Variants in GFRA1 observed in about 807,000 individuals in gnomAD.
GFRA1 encodes the protein GDNF family receptor alpha-1.
A neutral mutation model predicts 51.6 loss-of-function variants in GFRA1; 16 were observed. The observed-to-expected ratio is 0.31, with a 90% CI of 0.21 to 0.47. GFRA1 has a LOEUF of 0.47. Ranked by LOEUF, GFRA1 falls within the 20% of genes least tolerant of loss-of-function variation. The pLI is 1.00. For synonymous variants in GFRA1, 270 were observed against 241.3 expected, an observed-to-expected ratio of 1.12 and a Z score of -1.10; for missense variants, 530 against 594.3, an observed-to-expected ratio of 0.89 and a Z score of 1.13.
At chr10:116,219,300 C>T (rs1032089380) in intron 4 of GFRA1, among the ~76,000 whole-genome samples, 3 of 152,072 alleles carry the variant, frequency 2.0e-5, no homozygotes, top group Non-Finnish European at 4.4e-5. Flanking sequence ...AAGTTATGTC[C>T]GAGTCTGCTA....
At chr10:116,153,010 C>T (rs964751248) in intron 5 of GFRA1, among the ~76,000 whole-genome samples, 33 of 152,294 alleles carry the variant, frequency 2.2e-4, no homozygotes, top group African/African-American at 7.0e-4. Flanking sequence ...GTTAGAGCAA[C>T]GAACCATCCA....
At chr10:116,142,282 T>G (rs1223645368) in intron 5 of GFRA1, among the ~76,000 whole-genome samples, 1 of 152,204 alleles carries the variant, frequency 6.6e-6, no homozygotes, top group Non-Finnish European at 1.5e-5. Flanking sequence ...CTGCAGTCCT[T>G]GAAAGCCACT....
intron 9 of GFRA1, among the ~76,000 whole-genome samples, chr10:116,074,608 TC>T: frequency 6.6e-6 from 1 of 152,262 alleles, no homozygotes; most frequent in East Asian, 1.9e-4. Context: ...CTCTCTGAGG[TC>T]CCTGCAGCAA....
chr10:116,102,900 C>T (rs371914301), intron 6 of GFRA1, among the ~76,000 whole-genome samples: 1 of 152,132 alleles, frequency 6.6e-6, no homozygotes, highest in Non-Finnish European at 1.5e-5. Context: ...TTGTATAAGT[C>T]GCTGGAGTGT....
At chr10:116,205,332 CTTTAGGAGGCCAAGGTGGGT>C (rs898208822) in intron 5 of GFRA1, among the ~76,000 whole-genome samples, 1 of 152,072 alleles carries the variant, frequency 6.6e-6, no homozygotes, top group Non-Finnish European at 1.5e-5. Flanking sequence ...AATCCCAACA[CTTTAGGAGGCCAAGGTGGGT>C]GGATCACGAG....
At chr10:116,067,061 G>T (rs1955147287) in intron 9 of GFRA1, among the ~76,000 whole-genome samples, 1 of 152,168 alleles carries the variant, frequency 6.6e-6, no homozygotes, top group African/African-American at 2.4e-5. Context: ...CTTTAAACAA[G>T]CATCAAGAAT....
intron 5 of GFRA1, among the ~76,000 whole-genome samples, chr10:116,200,755 C>T (rs930826218): frequency 6.6e-6 from 1 of 152,182 alleles, no homozygotes; most frequent in African/African-American, 2.4e-5. Flanking sequence ...TTCATGAGAG[C>T]TCTACCCTAT....
At chr10:116,262,288 C>T (rs1969353173) in intron 4 of GFRA1, among the ~76,000 whole-genome samples, 1 of 152,156 alleles carries the variant, frequency 6.6e-6, no homozygotes, top group Non-Finnish European at 1.5e-5. Context: ...ACTGTCTGTA[C>T]CTTCACAGCC....
At chr10:116,218,170 G>C (rs1239140378) in intron 4 of GFRA1, among the ~76,000 whole-genome samples, 1 of 152,242 alleles carries the variant, frequency 6.6e-6, no homozygotes, top group Non-Finnish European at 1.5e-5. Context: ...GAAACCCAAG[G>C]CCTGACCTTT....
chr10:116,172,561 A>C (rs1403542517), intron 5 of GFRA1, among the ~76,000 whole-genome samples: 1 of 152,190 alleles, frequency 6.6e-6, no homozygotes, highest in African/African-American at 2.4e-5. Flanking sequence ...TCTTGAAGGA[A>C]GAATGGGTTG....
intron 5 of GFRA1, among the ~76,000 whole-genome samples, chr10:116,210,347 T>C (rs1965094423): frequency 6.6e-6 from 1 of 152,010 alleles, no homozygotes; most frequent in South Asian, 2.1e-4. Flanking sequence ...CAGTGTGGGG[T>C]TGCTTACATT....
chr10:116,257,583 A>T (rs1413486933), intron 4 of GFRA1, among the ~76,000 whole-genome samples: 1 of 152,094 alleles, frequency 6.6e-6, no homozygotes, highest in Admixed American at 6.5e-5. Context: ...GCCTTCTATG[A>T]TGAGAGGTTA....
At chr10:116,136,709 T>G (rs551672157) in intron 5 of GFRA1, among the ~76,000 whole-genome samples, 1 of 152,228 alleles carries the variant, frequency 6.6e-6, no homozygotes, top group Non-Finnish European at 1.5e-5. Flanking sequence ...AGGCTGCCAG[T>G]GCTTGGGACA....
chr10:116,091,314 A>AAAG (rs1388064868), intron 8 of GFRA1, among the ~76,000 whole-genome samples: 2 of 152,224 alleles, frequency 1.3e-5, no homozygotes, highest in African/African-American at 4.8e-5. Flanking sequence ...ACAAAAGATA[A>AAAG]AAGTCCATGC....
intron 5 of GFRA1, among the ~76,000 whole-genome samples, chr10:116,150,225 T>C (rs1959006606): frequency 1.3e-5 from 2 of 152,144 alleles, no homozygotes; most frequent in South Asian, 2.1e-4. Flanking sequence ...CTCCAAGCCA[T>C]CCCAATAGTG....
chr10:116,226,912 A>G, intron 4 of GFRA1: 1 of 171,058 alleles, frequency 5.8e-6, no homozygotes, highest in Non-Finnish European at 1.3e-5. Context: ...CTCCTATGAG[A>G]ATCTAATGCT....
At chr10:116,274,233 A>G (rs1336753615), upstream of GFRA1, among the ~76,000 whole-genome samples, 1 of 145,482 alleles carries the variant, frequency 6.9e-6, no homozygotes, top group Non-Finnish European at 1.5e-5. Context: ...ACCGAAGTCT[A>G]CACTGGGTCG....
chr10:116,065,733 A>AG, intron 9 of GFRA1, 107 bp from the exon 10 acceptor site: 1 of 822,200 alleles, frequency 1.2e-6, no homozygotes. Context: ...AATATGTGAG[A>AG]CACAGCTGTG....
chr10:116,066,026 C>A (rs942039700), intron 9 of GFRA1, among the ~76,000 whole-genome samples: 1 of 152,084 alleles, frequency 6.6e-6, no homozygotes, highest in African/African-American at 2.4e-5. Context: ...TTGAAGTAAT[C>A]CCTCATTTCT....
Sources: allele counts gnomAD v4.1 joint callset (sites outside exome capture counted in the v4.1 genomes callset), GRCh38; gene constraint gnomAD v4.1.1; transcripts MANE v1.5; gene names NCBI Gene and HGNC (gene_info 2026-07-23, HGNC 2026-07-21).